Variants in CSNK1G1 observed in about 807,000 individuals in gnomAD.
CSNK1G1 encodes casein kinase I isoform gamma-1.
In CSNK1G1, 22 loss-of-function variants were observed where a neutral mutation model predicts 59.6. The ratio of observed to expected loss-of-function variants is 0.37; its 90% CI spans 0.26 to 0.53. The LOEUF (loss-of-function observed/expected upper bound fraction) is 0.53. CSNK1G1 is among the 20% of genes least tolerant of loss of function. The pLI is 0.89. For synonymous variants in CSNK1G1, 179 were observed against 177.1 expected (o/e 1.01, Z -0.08); for missense variants, 384 against 519.5 (o/e 0.74, Z 2.54).
chr15:64,197,901 G>C (rs1025508903), intron 10 of CSNK1G1, among the ~76,000 whole-genome samples: 1 of 151,916 alleles, frequency 6.6e-6, no homozygotes, highest in African/African-American at 2.4e-5. Flanking sequence ...ATATATTTTA[G>C]AAAACTGAAC....
intron 6 of CSNK1G1, among the ~76,000 whole-genome samples, chr15:64,208,889 C>CTTT (rs201279267): frequency 1.5e-5 from 2 of 136,636 alleles, no homozygotes; most frequent in South Asian, 2.4e-4. Context: ...TTTCTTTTTT[C>CTTT]TTTTTTTTTT....
chr15:64,232,067 G>A (rs1043455554), intron 4 of CSNK1G1, among the ~76,000 whole-genome samples: 5 of 152,154 alleles, frequency 3.3e-5, no homozygotes, highest in African/African-American at 9.7e-5. Context: ...ATGTAGAAGA[G>A]ATTACCTACA....
chr15:64,304,348 ACTCCAGCCTGGG>A (rs1895544561), intron 1 of CSNK1G1, among the ~76,000 whole-genome samples: 1 of 148,070 alleles, frequency 6.8e-6, no homozygotes, highest in Non-Finnish European at 1.5e-5. Flanking sequence ...ACGCCATTGA[ACTCCAGCCTGGG>A]CAACGAGAGC....
At chr15:64,211,482 TG>T (rs1469894873) in intron 6 of CSNK1G1, among the ~76,000 whole-genome samples, 1 of 152,168 alleles carries the variant, frequency 6.6e-6, no homozygotes, top group Non-Finnish European at 1.5e-5. Context: ...AAGCCAAGTC[TG>T]GGGGTAAACT....
chr15:64,346,711 G>GC (rs1047775456), intron 1 of CSNK1G1, among the ~76,000 whole-genome samples: 2 of 151,912 alleles, frequency 1.3e-5, no homozygotes, highest in Non-Finnish European at 2.9e-5. Context: ...GCCTGCCTTG[G>GC]CCCCCCAAAG....
At chr15:64,276,288 G>A (rs1348107117) in intron 2 of CSNK1G1, among the ~76,000 whole-genome samples, 1 of 152,088 alleles carries the variant, frequency 6.6e-6, no homozygotes, top group African/African-American at 2.4e-5. Flanking sequence ...ATTCTAGAAA[G>A]TATGATTTTC....
chr15:64,278,377 C>CGT (rs56064136), intron 2 of CSNK1G1, among the ~76,000 whole-genome samples: 17,580 of 111,076 alleles, frequency 0.16, 1,744 homozygotes, highest in East Asian at 0.45. Context: ...CATGTATGTG[C>CGT]GTGTGTGTGT....
rs1291730579 is a variant in CSNK1G1, at chr15:64,343,281, C to T, written c.-225+12707G>A. 2.0e-5 allele frequency among the ~76,000 whole-genome samples: 3 copies of T among 146,582 alleles called. No individual in the cohort carries two copies. In the Admixed American group the frequency reaches 2.1e-4, roughly 10 times the overall value. On this transcript the variant is annotated intron_variant, in intron 1 of 11. Transcript: ENST00000303052. ...ATTCTGCCTCTGTAGGCTTATTTCTCCTTCCTCCCCACCTAGCACACACTG... is the reference window on the plus strand; with the variant it reads ...ATTCTGCCTCTGTAGGCTTATTTCTTCTTCCTCCCCACCTAGCACACACTG...
At chr15:64,322,479 C>CA (rs906347492) in intron 1 of CSNK1G1, among the ~76,000 whole-genome samples, 25 of 151,554 alleles carry the variant, frequency 1.6e-4, no homozygotes, top group African/African-American at 5.8e-4. Flanking sequence ...CTGGTATTAC[C>CA]AGCATGAGCC....
At chr15:64,301,521 A>T (rs929387569) in intron 1 of CSNK1G1, among the ~76,000 whole-genome samples, 1 of 152,228 alleles carries the variant, frequency 6.6e-6, no homozygotes, top group Non-Finnish European at 1.5e-5. Flanking sequence ...CAAAAAAAAA[A>T]ATACTGCTAT....
Position 64,303,884 on chromosome 15 carries a change from C to T in CSNK1G1, c.-224-3161G>A, listed in dbSNP as rs545756350. On this transcript the variant is annotated intron_variant, in intron 1 of 11. Coordinates refer to ENST00000303052, the MANE Select transcript of CSNK1G1 (RefSeq NM_022048.5). Reference sequence around the variant, plus strand: ...GCAGTGAGCCATGATCGTGCCACTGCACTCCAGTATGGGTGAGAGCAAGGC... The same window carrying T: ...GCAGTGAGCCATGATCGTGCCACTGTACTCCAGTATGGGTGAGAGCAAGGC... Among the ~76,000 whole-genome samples, 7 of 145,948 alleles carry T rather than the reference C, an allele frequency of 4.8e-5. No homozygotes were observed. In the East Asian group the frequency reaches 8.1e-4, roughly 17 times the overall value.
chr15:64,287,896 C>A (rs1000732175), intron 2 of CSNK1G1, among the ~76,000 whole-genome samples: 1 of 152,012 alleles, frequency 6.6e-6, no homozygotes, highest in Non-Finnish European at 1.5e-5. Flanking sequence ...CAAAACCCCA[C>A]TGAAAGGACA....
chr15:64,165,822 A>G lies in CSNK1G1; in HGVS notation c.*6109T>C. On this transcript the variant is annotated 3_prime_UTR_variant, in exon 12 of 12. Transcript: ENST00000303052. ...CCCAAACTGGGGAAGAGGTATACTT[A>G]AAGATCACATTTGTGTTTTCCATGG... 2.4e-6 allele frequency: 1 copy of G among 414,704 alleles called. No homozygotes were observed. The highest frequency in any genetic ancestry group is 4.3e-6 in the Non-Finnish European group (1 of 234,906). 25.7% of individuals were successfully genotyped at this position (414,704 alleles called of 1,614,324 possible).
intron 1 of CSNK1G1, among the ~76,000 whole-genome samples, chr15:64,348,769 C>T (rs1325200559): frequency 6.6e-6 from 1 of 151,414 alleles, no homozygotes; most frequent in Non-Finnish European, 1.5e-5. Flanking sequence ...ACTCAAACAC[C>T]AAAAAAAGGA....
At chr15:64,255,139 C>T (rs1892303603) in intron 3 of CSNK1G1, among the ~76,000 whole-genome samples, 1 of 152,112 alleles carries the variant, frequency 6.6e-6, no homozygotes, top group Admixed American at 6.5e-5. Context: ...TGCAATGGCA[C>T]AATCTCAGCT....
rs376846575 is a variant in CSNK1G1 at position 64,290,305 on chromosome 15, T to TTA, written c.181+10012_181+10013dup. On this transcript the variant is annotated intron_variant, in intron 2 of 11. Coordinates refer to ENST00000303052, the MANE Select transcript of CSNK1G1 (RefSeq NM_022048.5). ...AAACAAGTGTCCCTCATGGATGATTTTATATATATATATACACATACACAT... is the reference window on the plus strand; with the variant it reads ...AAACAAGTGTCCCTCATGGATGATTTTATATATATATATATACACATACACAT... 3.5e-3 allele frequency among the ~76,000 whole-genome samples: 525 copies of TTA among 150,998 alleles called. 1 individual carries two copies. The highest frequency in any genetic ancestry group is 5.6e-3 in the Non-Finnish European group (376 of 67,726).
At chr15:64,234,955 G>C (rs546978755) in intron 4 of CSNK1G1, among the ~76,000 whole-genome samples, 1 of 152,216 alleles carries the variant, frequency 6.6e-6, no homozygotes, top group South Asian at 2.1e-4. Flanking sequence ...GGGCTATGCA[G>C]GAGGCCTTTT....
rs568076234 is a variant in CSNK1G1 at position 64,277,071 on chromosome 15, T to C, written c.182-17830A>G. The stretch of plus-strand genomic sequence containing the variant: ...TGCAACGTCAGTGACTTGAACTTGA[T>C]CATTAGACAAAATAGTCAAATATAT... On this transcript the variant is annotated intron_variant, in intron 2 of 11. Coordinates refer to ENST00000303052, the MANE Select transcript of CSNK1G1 (RefSeq NM_022048.5). Among the ~76,000 whole-genome samples, 98 of 152,286 alleles carry C rather than the reference T, an allele frequency of 6.4e-4. 1 individual carries two copies. The South Asian group carries it at 0.019, about 30-fold the overall frequency.
At chr15:64,322,006 T>TC (rs1896591762) in intron 1 of CSNK1G1, among the ~76,000 whole-genome samples, 1 of 152,230 alleles carries the variant, frequency 6.6e-6, no homozygotes, top group Non-Finnish European at 1.5e-5. Flanking sequence ...TTTTCTTTTT[T>TC]CTTAACTAAA....
Sources: allele counts gnomAD v4.1 joint callset (sites outside exome capture counted in the v4.1 genomes callset), GRCh38; gene constraint gnomAD v4.1.1; transcripts MANE v1.5; gene names NCBI Gene and HGNC (gene_info 2026-07-23, HGNC 2026-07-21).